Variants in RAD51B observed in about 807,000 individuals in gnomAD.
RAD51B encodes the protein DNA repair protein RAD51 homolog 2.
In RAD51B, 38 loss-of-function variants were observed where a neutral mutation model predicts 42.2. The observed-to-expected ratio is 0.90, with a 90% confidence interval of 0.70 to 1.18. The LOEUF is 1.18. Among genes scored for constraint, RAD51B ranks in the 50% most tolerant of loss-of-function variants. The pLI, the probability that RAD51B is intolerant of heterozygous loss-of-function variation, is 0.00. For synonymous variants in RAD51B, 154 were observed against 145.2 expected (o/e 1.06, Z -0.43); for missense variants, 373 against 400.7 (o/e 0.93, Z 0.59).
intron 10 of RAD51B, among the ~76,000 whole-genome samples, chr14:68,577,218 C>T (rs1019929391): frequency 3.3e-5 from 5 of 152,104 alleles, no homozygotes; most frequent in East Asian, 1.9e-4. Flanking sequence ...CACATGGGTC[C>T]GGGAGAGAGT....
chr14:68,544,242 T>A (rs11845733), intron 10 of RAD51B, among the ~76,000 whole-genome samples: 103 of 152,322 alleles, frequency 6.8e-4, no homozygotes, highest in African/African-American at 2.4e-3. Flanking sequence ...ACTGTTTTGT[T>A]TGACTCTGAA....
chr14:67,978,845 T>G (rs2075040881), intron 7 of RAD51B, among the ~76,000 whole-genome samples: 1 of 152,246 alleles, frequency 6.6e-6, no homozygotes, highest in Non-Finnish European at 1.5e-5. Context: ...TCTGCTGCAT[T>G]TTATGCAAAG....
chr14:68,339,361 A>G, intron 8 of RAD51B: 1 of 1,026,270 alleles, frequency 9.7e-7, no homozygotes, highest in Non-Finnish European at 1.5e-6. Context: ...TAGTGGGGCC[A>G]TTTCACAAAG....
At chr14:67,888,339 A>G (rs907135896) in intron 7 of RAD51B, among the ~76,000 whole-genome samples, 1 of 152,194 alleles carries the variant, frequency 6.6e-6, no homozygotes, top group Non-Finnish European at 1.5e-5. Flanking sequence ...AATACTGTAT[A>G]AAGATACTTG....
intron 7 of RAD51B, 24 bp from the exon 8 acceptor site, chr14:68,291,859 AC>A (rs776020530): frequency 9.6e-6 from 15 of 1,565,286 alleles, no homozygotes; most frequent in African/African-American, 1.4e-5. Flanking sequence ...CTTGCCCCCT[AC>A]CCCTTCTCCC....
At chr14:67,871,932 G>A (rs1334507545) in intron 5 of RAD51B, among the ~76,000 whole-genome samples, 40 of 150,962 alleles carry the variant, frequency 2.6e-4, no homozygotes, top group Non-Finnish European at 3.7e-4. Context: ...TTGATGGGAC[G>A]TATTTCAAAA....
chr14:68,249,340 A>G (rs1404360797), intron 7 of RAD51B, among the ~76,000 whole-genome samples: 1 of 152,244 alleles, frequency 6.6e-6, no homozygotes, highest in Admixed American at 6.5e-5. Context: ...TTAAAACAAA[A>G]CAATACTTAC....
chr14:68,648,004 C>CATATATATATATATATATATAT (rs374934304), intron 10 of RAD51B, among the ~76,000 whole-genome samples: 1 of 108,692 alleles, frequency 9.2e-6, no homozygotes, highest in African/African-American at 3.5e-5. Context: ...AAAAATTGAG[C>CATATATATATATATATATATAT]ATATATATAT....
At position 68,434,820 on chromosome 14, in the gene RAD51B, C is replaced by T. The variant is rs149522817; in HGVS notation, c.957+23293C>T. Among the ~76,000 whole-genome samples, 1,122 of 152,268 alleles carry T rather than the reference C, an allele frequency of 7.4e-3. 11 individuals carry two copies. Among genetic ancestry groups the T allele is most frequent in the African/African-American group, 0.026 (1,061 of 41,548 alleles). ...CTGAGTTGGAAATGCAGAAATCACC[C>T]GTCTTCTGCATTGCTCATGCTGGGA... On this transcript the variant is annotated intron_variant, in intron 9 of 10. Transcript: ENST00000471583.
chr14:68,447,161 T>G (rs2085440319), intron 9 of RAD51B, among the ~76,000 whole-genome samples: 1 of 152,214 alleles, frequency 6.6e-6, no homozygotes, highest in Admixed American at 6.5e-5. Flanking sequence ...GAGGTTGTGG[T>G]GAGCCAGGAT....
chr14:68,170,756 C>G (rs887066384), intron 7 of RAD51B, among the ~76,000 whole-genome samples: 1 of 152,102 alleles, frequency 6.6e-6, no homozygotes, highest in Non-Finnish European at 1.5e-5. Flanking sequence ...AATATGAATT[C>G]TATAACCATT....
At chr14:68,427,820 G>A (rs2084890593) in intron 9 of RAD51B, among the ~76,000 whole-genome samples, 1 of 152,176 alleles carries the variant, frequency 6.6e-6, no homozygotes. Context: ...ATGAATTTGG[G>A]GGGCTGGGGC....
intron 7 of RAD51B, among the ~76,000 whole-genome samples, chr14:68,210,710 A>T: frequency 6.6e-6 from 1 of 152,162 alleles, no homozygotes; most frequent in South Asian, 2.1e-4. Flanking sequence ...TAAAGGAGAA[A>T]ATACTTGGGA....
chr14:68,091,318 A>G (rs1402105915), intron 7 of RAD51B, among the ~76,000 whole-genome samples: 1 of 152,200 alleles, frequency 6.6e-6, no homozygotes. Flanking sequence ...AGTCCCACCA[A>G]CAGTGTAAAA....
intron 9 of RAD51B, among the ~76,000 whole-genome samples, chr14:68,432,939 G>A (rs562076280): frequency 1.3e-5 from 2 of 152,256 alleles, no homozygotes; most frequent in East Asian, 1.9e-4. Context: ...TTTAGGGCAG[G>A]CCTGGTGGTG....
intron 8 of RAD51B, among the ~76,000 whole-genome samples, chr14:68,326,556 A>G (rs1301088986): frequency 6.6e-6 from 1 of 152,194 alleles, no homozygotes; most frequent in African/African-American, 2.4e-5. Context: ...CCCAGTCTGT[A>G]TCTATGACTA....
chr14:68,354,537 A>G (rs777788230), intron 8 of RAD51B, among the ~76,000 whole-genome samples: 5 of 151,996 alleles, frequency 3.3e-5, no homozygotes, highest in African/African-American at 4.8e-5. Flanking sequence ...AACGAGTAAA[A>G]TGAAGTTTGT....
intron 7 of RAD51B, among the ~76,000 whole-genome samples, chr14:67,958,495 G>A (rs1407133261): frequency 3.9e-5 from 6 of 152,316 alleles, no homozygotes; most frequent in Non-Finnish European, 5.9e-5. Flanking sequence ...GAAAAGTTTG[G>A]TGTCTAGTCT....
At chr14:68,145,347 A>G (rs1347259732) in intron 7 of RAD51B, among the ~76,000 whole-genome samples, 6 of 152,338 alleles carry the variant, frequency 3.9e-5, no homozygotes, top group African/African-American at 1.4e-4. Flanking sequence ...CTGGGTTTGA[A>G]TATCTTGTTC....
Sources: allele counts gnomAD v4.1 joint callset (sites outside exome capture counted in the v4.1 genomes callset), GRCh38; gene constraint gnomAD v4.1.1; transcripts MANE v1.5; gene names NCBI Gene and HGNC (gene_info 2026-07-23, HGNC 2026-07-21).